Variants in LCP2 observed in about 807,000 individuals in gnomAD.
The protein encoded by LCP2 is 76 kDa tyrosine phosphoprotein.
Under a neutral mutation model 74.5 loss-of-function variants are expected in LCP2, and 29 were observed. The observed-to-expected ratio is 0.39, with a 90% CI of 0.29 to 0.53. The LOEUF (loss-of-function observed/expected upper bound fraction) is 0.53. LCP2 is among the 20% of genes least tolerant of loss of function. LCP2 has a pLI of 0.72. For missense variants in LCP2, 604 were observed against 634.6 expected (o/e 0.95, Z 0.52); for synonymous variants, 228 against 229.5 (o/e 0.99, Z 0.06).
At chr5:170,268,535 G>A (rs772999263) in intron 7 of LCP2, 53 bp from the exon 8 acceptor site, 34 of 212,094 alleles carry the variant, frequency 1.6e-4, no homozygotes, top group Non-Finnish European at 3.5e-4. Context: ...CCAAGCTCAG[G>A]GGTCTCCAGG....
intron 6 of LCP2, among the ~76,000 whole-genome samples, chr5:170,272,801 A>G (rs1220741329): frequency 1.3e-5 from 2 of 151,344 alleles, no homozygotes; most frequent in African/African-American, 4.9e-5. Flanking sequence ...TTTAGTAGAG[A>G]TGGGGTTTCA....
intron 1 of LCP2, 48 bp from the exon 2 acceptor site, chr5:170,293,420 C>T (rs1473797472): frequency 1.3e-6 from 2 of 1,530,448 alleles, no homozygotes; most frequent in African/African-American, 2.7e-5. Flanking sequence ...AGTCTCTTAC[C>T]ATTGGTTCCT....
chr5:170,281,531 T>C (rs142205356), intron 3 of LCP2, among the ~76,000 whole-genome samples: 4,059 of 152,282 alleles, frequency 0.027, 148 homozygotes, highest in African/African-American at 0.077. Flanking sequence ...CCGCCCGCCT[T>C]GGCCTCCCAA....
intron 6 of LCP2, among the ~76,000 whole-genome samples, chr5:170,272,708 G>T (rs949861548): frequency 1.6e-4 from 22 of 134,138 alleles, no homozygotes; most frequent in Non-Finnish European, 3.1e-4. Context: ...CACCTCCCGG[G>T]TTCAAGCAAT....
In LCP2 at chr5:170,259,267, A is replaced by G. The variant is rs142925942; in HGVS notation, c.958-389T>C. Reference sequence around the variant, plus strand: ...TTTAACATCCTCATTTTACAAAAGCATGATGCTGAGGAAGCTTCCTTAGCT... The same window carrying G: ...TTTAACATCCTCATTTTACAAAAGCGTGATGCTGAGGAAGCTTCCTTAGCT... On this transcript the variant is annotated intron_variant, in intron 14 of 20. Coordinates refer to ENST00000046794, the MANE Select transcript of LCP2 (RefSeq NM_005565.5). Among the ~76,000 whole-genome samples, 1,332 of 152,344 alleles carry G rather than the reference A, an allele frequency of 8.7e-3. 15 individuals are homozygous for G. Among genetic ancestry groups the G allele is most frequent in the Middle Eastern group, 0.024 (7 of 294 alleles).
chr5:170,266,872 G>A lies in LCP2; in HGVS notation c.708C>T (p.Asp236=). Reference sequence around the variant, plus strand: ...GATCTAGGGGAGGTTTCGTGCTTCTGTCTATTGAAGGAGCAGGGACTGGAA... The same window carrying A: ...GATCTAGGGGAGGTTTCGTGCTTCTATCTATTGAAGGAGCAGGGACTGGAA... ...KTAKLPAPSI[D]RSTKPPLDRS... The change falls in exon 10 of 21, where the codon GAC becomes GAT. Residue 236 remains aspartate (D), a synonymous_variant. Coordinates refer to ENST00000046794, the MANE Select transcript of LCP2 (RefSeq NM_005565.5). 1 of 1,613,872 alleles carries A rather than the reference G, an allele frequency of 6.2e-7. No individual in the cohort carries two copies. Among genetic ancestry groups the A allele is most frequent in the Non-Finnish European group, 8.5e-7 (1 of 1,179,790 alleles).
rs182835644 is a variant in LCP2 at position 170,285,501 on chromosome 5, T to C, written c.188+2469A>G. Reference sequence around the variant, plus strand: ...CTATAAATAGGTTTAAGTTTTGTTCTGAGATGCAGTTAAGTTACTTAGAAG... The same window carrying C: ...CTATAAATAGGTTTAAGTTTTGTTCCGAGATGCAGTTAAGTTACTTAGAAG... On this transcript the variant is annotated intron_variant, in intron 3 of 20. Coordinates refer to ENST00000046794, the MANE Select transcript of LCP2 (RefSeq NM_005565.5). 2.0e-5 allele frequency among the ~76,000 whole-genome samples: 3 copies of C among 152,358 alleles called. No individual in the cohort carries two copies. The East Asian group carries it at 5.8e-4, about 29-fold the overall frequency.
At chr5:170,261,164 G>C in intron 13 of LCP2, 27 bp from the exon 14 acceptor site, 1 of 1,571,372 alleles carries the variant, frequency 6.4e-7, no homozygotes, top group Non-Finnish European at 8.8e-7. Context: ...CAAATAAAAA[G>C]AACTGAGCAT....
At chr5:170,293,214 T>TA in intron 2 of LCP2, 96 bp downstream of exon 2, 1 of 1,184,762 alleles carries the variant, frequency 8.4e-7, no homozygotes, top group South Asian at 1.3e-5. Flanking sequence ...GATCCTCGGG[T>TA]GTCCCCAGGG....
At chr5:170,268,528 A>C (rs1761815605) in intron 7 of LCP2, 46 bp from the exon 8 acceptor site, 1 of 217,250 alleles carries the variant, frequency 4.6e-6, no homozygotes, top group Admixed American at 6.3e-5. Flanking sequence ...GTATCGGCCA[A>C]GCTCAGGGGT....
In LCP2 at chr5:170,280,257, C is replaced by T. The variant is rs145374802; in HGVS notation, c.189-4397G>A. 8.6e-3 allele frequency among the ~76,000 whole-genome samples: 1,309 copies of T among 152,112 alleles called. 32 individuals are homozygous for T. Among genetic ancestry groups the T allele is most frequent in the African/African-American group, 0.03 (1,224 of 41,490 alleles). On this transcript the variant is annotated intron_variant, in intron 3 of 20. Coordinates refer to ENST00000046794, the MANE Select transcript of LCP2 (RefSeq NM_005565.5). Reference sequence around the variant, plus strand: ...ATCCCTCCTGGGACAAGGCTCCCGGCTCCTGGGTAGGGCAGATGCCTCTCC... The same window carrying T: ...ATCCCTCCTGGGACAAGGCTCCCGGTTCCTGGGTAGGGCAGATGCCTCTCC...
In LCP2 at chr5:170,258,135, T is replaced by C; in HGVS notation, c.1002A>G (p.Leu334=). 1 of 1,613,898 alleles carries C rather than the reference T, an allele frequency of 6.2e-7. No homozygotes were observed. The highest frequency in any genetic ancestry group is 8.5e-7 in the Non-Finnish European group (1 of 1,179,778). The change falls in exon 16 of 21, where the codon CTA becomes CTG. Residue 334 remains leucine, a synonymous_variant. Transcript: ENST00000046794. ...GGAAAGTGTTGGAGCTCATAGGAAG[T>C]AGTGCTGGCTGGGGCAAAGGTCTCT... ...VHQRPLPQPA[L]LPMSSNTFPS...
intron 3 of LCP2, among the ~76,000 whole-genome samples, chr5:170,280,564 G>A (rs1288914530): frequency 3.3e-5 from 5 of 152,206 alleles, no homozygotes; most frequent in East Asian, 1.9e-4. Context: ...GAGAGTGTAA[G>A]AGTAGGACAT....
At chr5:170,272,840 T>C (rs1761920525) in intron 6 of LCP2, among the ~76,000 whole-genome samples, 1 of 151,804 alleles carries the variant, frequency 6.6e-6, no homozygotes, top group African/African-American at 2.4e-5. Context: ...TCTCGATCTC[T>C]TGATCTTGTG....
Position 170,250,461 on chromosome 5 carries a change from AT to A in LCP2, c.1479+268del, listed in dbSNP as rs565558369. On this transcript the variant is annotated intron_variant, in intron 20 of 20. Transcript: ENST00000046794. Reference sequence around the variant, plus strand: ...CTTTCCTTTGACACCATCTAAATAGATTTTTTTAAGTTAACATAGTTTTTCT... The same window carrying A: ...CTTTCCTTTGACACCATCTAAATAGATTTTTTAAGTTAACATAGTTTTTCT... Among the ~76,000 whole-genome samples the A allele has an allele frequency of 9.2e-5, 14 of 152,324 alleles. No homozygotes were observed. The South Asian group carries it at 1.2e-3, about 14-fold the overall frequency.
At chr5:170,291,687 G>T (rs1423930553) in intron 2 of LCP2, among the ~76,000 whole-genome samples, 1 of 152,192 alleles carries the variant, frequency 6.6e-6, no homozygotes, top group Non-Finnish European at 1.5e-5. Context: ...AGTCCAATGT[G>T]CTCAGTCAAC....
chr5:170,279,526 G>A (rs959086960), intron 3 of LCP2, among the ~76,000 whole-genome samples: 6 of 152,158 alleles, frequency 3.9e-5, no homozygotes, highest in Non-Finnish European at 7.3e-5. Flanking sequence ...TGATCATCAT[G>A]ATTACTTAGC....
intron 10 of LCP2, 51 bp from the exon 11 acceptor site, chr5:170,263,043 T>C (rs1455726478): frequency 2.5e-5 from 40 of 1,601,538 alleles, no homozygotes; most frequent in Non-Finnish European, 3.4e-5. Flanking sequence ...TTCATAAGCA[T>C]GAGGTTTAAA....
intron 9 of LCP2, 29 bp downstream of exon 9, chr5:170,266,980 G>A: frequency 6.2e-7 from 1 of 1,613,424 alleles, no homozygotes; most frequent in Non-Finnish European, 8.5e-7. Context: ...GGTGGGAACA[G>A]GGCAAGAGAG....
Sources: allele counts gnomAD v4.1 joint callset (sites outside exome capture counted in the v4.1 genomes callset), GRCh38; gene constraint gnomAD v4.1.1; transcripts MANE v1.5; gene names NCBI Gene and HGNC (gene_info 2026-07-23, HGNC 2026-07-21).